SPAG17: variants seen among roughly 807,000 people sequenced by gnomAD.
SPAG17 encodes the protein sperm-associated antigen 17.
A neutral mutation model predicts 273.6 loss-of-function variants in SPAG17; 169 were observed. That is an observed-to-expected ratio of 0.62 (90% CI 0.55 to 0.70). SPAG17 has a LOEUF of 0.70. Ranked by LOEUF, SPAG17 falls within the 30% of genes least tolerant of loss-of-function variation. The pLI, the probability that SPAG17 is intolerant of heterozygous loss-of-function variation, is 0.00. For missense variants in SPAG17, 2,557 were observed against 2,627.8 expected (o/e 0.97, Z 0.59); for synonymous variants, 825 against 873.2 (o/e 0.94, Z 0.97).
intron 13 of SPAG17, 39 bp from the exon 14 acceptor site, chr1:118,081,681 T>A: frequency 6.5e-7 from 1 of 1,531,736 alleles, no homozygotes; most frequent in Non-Finnish European, 9.0e-7. Context: ...GAAATGTTCT[T>A]ATTAGCACAT....
At chr1:118,173,753 T>C (rs1264307337) in intron 1 of SPAG17, among the ~76,000 whole-genome samples, 5 of 151,834 alleles carry the variant, frequency 3.3e-5, no homozygotes, top group East Asian at 3.9e-4. Flanking sequence ...TCCCAGCTAC[T>C]TGAGGCTGAC....
At chr1:118,001,746 T>C (rs1310068917) in intron 32 of SPAG17, among the ~76,000 whole-genome samples, 3 of 152,212 alleles carry the variant, frequency 2.0e-5, no homozygotes, top group Non-Finnish European at 4.4e-5. Flanking sequence ...GGTCTATCAA[T>C]TTTGTTGGTC....
chr1:118,120,914 T>C (rs1657385706), intron 3 of SPAG17, among the ~76,000 whole-genome samples: 2 of 152,220 alleles, frequency 1.3e-5, no homozygotes, highest in East Asian at 1.9e-4. Flanking sequence ...TTTTATTTAT[T>C]ATAGAATGAA....
intron 4 of SPAG17, among the ~76,000 whole-genome samples, chr1:118,108,728 T>C (rs1398347588): frequency 2.0e-5 from 3 of 151,954 alleles, no homozygotes; most frequent in African/African-American, 7.3e-5. Context: ...TAATGCAGTA[T>C]GTGCAGAAAG....
At chr1:118,020,524 T>C (rs528463092) in intron 28 of SPAG17, among the ~76,000 whole-genome samples, 1 of 151,912 alleles carries the variant, frequency 6.6e-6, no homozygotes, top group Admixed American at 6.6e-5. Flanking sequence ...ATTCTAAATG[T>C]ATGAATATCT....
At chr1:118,107,110 C>G (rs1293528042) in intron 4 of SPAG17, among the ~76,000 whole-genome samples, 5 of 152,132 alleles carry the variant, frequency 3.3e-5, no homozygotes, top group African/African-American at 1.2e-4. Context: ...GTAATTTTAT[C>G]CCCATTTTAT....
In SPAG17 at chr1:117,986,258, G is replaced by C. The variant is rs754012004; in HGVS notation, c.5670-1476C>G. 1.8e-4 allele frequency among the ~76,000 whole-genome samples: 28 copies of C among 152,142 alleles called. 1 individual carries two copies. Among genetic ancestry groups the C allele is most frequent in the Non-Finnish European group, 2.5e-4 (17 of 68,022 alleles). On this transcript the variant is annotated intron_variant, in intron 40 of 48. Transcript: ENST00000336338. Reference sequence around the variant, plus strand: ...TTCACTCATCGATCTACGGCAGTCTGGCTGCTGCCCACCACTCTCTTAAAA... The same window carrying C: ...TTCACTCATCGATCTACGGCAGTCTCGCTGCTGCCCACCACTCTCTTAAAA...
At chr1:118,125,389 C>T (rs570874475) in intron 3 of SPAG17, among the ~76,000 whole-genome samples, 2 of 152,118 alleles carry the variant, frequency 1.3e-5, no homozygotes, top group South Asian at 4.1e-4. Flanking sequence ...AGGAACAATT[C>T]AAAATCTTCT....
rs1019495093 is a variant in SPAG17 at position 118,099,637 on chromosome 1, G to C, written c.798C>G (p.Asn266Lys). Reference sequence around the variant, plus strand: ...ACTGAAGAAGAACTTCCTGCTGCTGGTTAACTGCTGCCAGGTGTGTCTGCA... The same window carrying C: ...ACTGAAGAAGAACTTCCTGCTGCTGCTTAACTGCTGCCAGGTGTGTCTGCA... ...EPLQTHLAAV[N>K]QQQEVLLQSE... The change falls in exon 6 of 49, where the codon AAC (asparagine) becomes AAG (lysine). Residue 266 changes from asparagine to lysine, a missense_variant. Transcript: ENST00000336338. 1.7e-5 allele frequency: 28 copies of C among 1,614,012 alleles called. No individual in the cohort carries two copies. The highest frequency in any genetic ancestry group is 2.4e-5 in the Non-Finnish European group (28 of 1,179,912).
intron 3 of SPAG17, among the ~76,000 whole-genome samples, chr1:118,146,367 C>A (rs763736884): frequency 2.6e-5 from 4 of 152,018 alleles, no homozygotes; most frequent in Non-Finnish European, 5.9e-5. Context: ...TCTATGTGGG[C>A]CATAAAGCAT....
chr1:118,148,253 C>G (rs1472606874), intron 3 of SPAG17, among the ~76,000 whole-genome samples: 1 of 152,214 alleles, frequency 6.6e-6, no homozygotes. Context: ...GGTTCCTCGT[C>G]TCACTGACTT....
intron 46 of SPAG17, among the ~76,000 whole-genome samples, chr1:117,967,366 C>T (rs1653996386): frequency 6.6e-6 from 1 of 151,256 alleles, no homozygotes; most frequent in Non-Finnish European, 1.5e-5. Context: ...TACCCTGTTC[C>T]TTGCAGGGGT....
chr1:118,030,212 T>C (rs369732105), intron 25 of SPAG17, among the ~76,000 whole-genome samples: 6 of 152,254 alleles, frequency 3.9e-5, no homozygotes, highest in Admixed American at 2.0e-4. Flanking sequence ...TATGTAAATG[T>C]GGTACAGAGG....
Position 118,036,811 on chromosome 1 carries a change from C to T in SPAG17, c.3392G>A (p.Cys1131Tyr), listed in dbSNP as rs1456799790. The change falls in exon 24 of 49, where the codon TGC becomes TAC. Residue 1131 changes from cysteine to tyrosine, a missense_variant. Physicochemically the swap from Cys to Tyr is radical, Grantham distance 194 (BLOSUM62 -2). Transcript: ENST00000336338. ...TGATCCATAGTAACTTATCGAGAGG[C>T]AGATTCCATTTTCTAAGGTGGCAGA... ...SFSATLENGI[C>Y]LSISYYGSNG... The T allele has an allele frequency of 6.4e-7, 1 of 1,559,902 alleles. No individual in the cohort carries two copies. The highest frequency in any genetic ancestry group is 1.9e-5 in the Admixed American group (1 of 52,472).
intron 20 of SPAG17, among the ~76,000 whole-genome samples, chr1:118,042,424 T>C (rs1047477333): frequency 2.0e-5 from 3 of 152,130 alleles, no homozygotes; most frequent in African/African-American, 7.2e-5. Flanking sequence ...TTATTAGCAG[T>C]GTGGAAGACT....
chr1:118,117,283 C>T (rs192117705), intron 3 of SPAG17, among the ~76,000 whole-genome samples: 92 of 152,214 alleles, frequency 6.0e-4, no homozygotes, highest in African/African-American at 1.8e-3. Flanking sequence ...TCCTGACGAC[C>T]TGTGAAAACA....
chr1:118,000,322 A>G (rs1036627429), intron 32 of SPAG17, among the ~76,000 whole-genome samples: 8 of 152,210 alleles, frequency 5.3e-5, no homozygotes, highest in African/African-American at 1.4e-4. Flanking sequence ...TCTTGGTTCC[A>G]TATAAACTTT....
At chr1:118,097,200 A>C (rs563036500) in intron 7 of SPAG17, among the ~76,000 whole-genome samples, 36 of 151,536 alleles carry the variant, frequency 2.4e-4, no homozygotes, top group Middle Eastern at 3.4e-3. Flanking sequence ...ACTGCACTTC[A>C]GCCTGGGCAA....
chr1:118,105,729 G>A lies in SPAG17; in HGVS notation c.448-3803C>T, dbSNP rs192826498. Among the ~76,000 whole-genome samples the A allele has an allele frequency of 4.9e-3, 741 of 152,232 alleles. 1 individual carries two copies. The highest frequency in any genetic ancestry group is 8.3e-3 in the Non-Finnish European group (565 of 68,008). On this transcript the variant is annotated intron_variant, in intron 4 of 48. Transcript: ENST00000336338. ...CAGGACATCTCAAGACTTTGGAGGT[G>A]ATGAGGGCTTCAGTGATGACAAGGT...
Sources: allele counts gnomAD v4.1 joint callset (sites outside exome capture counted in the v4.1 genomes callset), GRCh38; gene constraint gnomAD v4.1.1; transcripts MANE v1.5; gene names NCBI Gene and HGNC (gene_info 2026-07-23, HGNC 2026-07-21).